NYAP2: variants seen among roughly 807,000 people sequenced by gnomAD.
NYAP2 encodes neuronal tyrosine-phosphorylated phosphoinositide-3-kinase adapter 2.
NYAP2 carries 23 observed loss-of-function variants against 50.4 expected under a neutral mutation model. The ratio of observed to expected loss-of-function variants is 0.46; its 90% confidence interval spans 0.33 to 0.65. NYAP2 has a LOEUF of 0.65. Ranked by LOEUF, NYAP2 falls within the 30% of genes least tolerant of loss-of-function variation. NYAP2 has a pLI of 0.02. For synonymous variants in NYAP2, 394 were observed against 365.2 expected (o/e 1.08, Z -0.90); for missense variants, 885 against 861.0 (o/e 1.03, Z -0.35).
the NYAP2 span, among the ~76,000 whole-genome samples, chr2:225,696,743 G>A: frequency 6.6e-6 from 1 of 152,030 alleles, no homozygotes; most frequent in South Asian, 2.1e-4. Flanking sequence ...GCAGCATAGT[G>A]TAGTTGTTAA....
intron 5 of NYAP2, among the ~76,000 whole-genome samples, chr2:225,603,918 C>T (rs17482489): frequency 0.1 from 15,948 of 152,052 alleles, 949 homozygotes; most frequent in South Asian, 0.13. Flanking sequence ...CCTCTGAGAC[C>T]TTCATTTTTT....
At chr2:225,659,657 A>G in the NYAP2 span, among the ~76,000 whole-genome samples, 2 of 152,212 alleles carry the variant, frequency 1.3e-5, no homozygotes, top group Non-Finnish European at 2.9e-5. Flanking sequence ...TATGAGACTT[A>G]CAGGAAGTAA....
intron 4 of NYAP2, among the ~76,000 whole-genome samples, chr2:225,524,531 G>C (rs948011998): frequency 6.6e-6 from 1 of 151,998 alleles, no homozygotes; most frequent in Admixed American, 6.6e-5. Flanking sequence ...CAGCCCAATC[G>C]AATTGACACT....
At chr2:225,657,718 G>T (rs545499916), downstream of NYAP2, among the ~76,000 whole-genome samples, 1 of 152,106 alleles carries the variant, frequency 6.6e-6, no homozygotes, top group South Asian at 2.1e-4. Context: ...GCATAGAGAT[G>T]ACTTGTTTTG....
At chr2:225,560,882 G>T (rs1691858077) in intron 4 of NYAP2, among the ~76,000 whole-genome samples, 1 of 148,698 alleles carries the variant, frequency 6.7e-6, no homozygotes, top group African/African-American at 2.5e-5. Flanking sequence ...TAAATTTGCT[G>T]TAGAAGTCAG....
intron 3 of NYAP2, among the ~76,000 whole-genome samples, chr2:225,502,617 A>G (rs1210285639): frequency 2.0e-5 from 3 of 152,226 alleles, no homozygotes; most frequent in Non-Finnish European, 4.4e-5. Context: ...TTCAATTTCT[A>G]TAGATCCCCA....
At chr2:225,516,167 A>G (rs1690930597) in intron 4 of NYAP2, among the ~76,000 whole-genome samples, 1 of 152,140 alleles carries the variant, frequency 6.6e-6, no homozygotes, top group Admixed American at 6.6e-5. Flanking sequence ...AGGGATTCCC[A>G]TTCATTTGGG....
the NYAP2 span, among the ~76,000 whole-genome samples, chr2:225,676,653 T>C: frequency 6.6e-6 from 1 of 152,086 alleles, no homozygotes; most frequent in South Asian, 2.1e-4. Context: ...CCATTCACTA[T>C]CACGAGAACA....
At chr2:225,529,042 C>G (rs969506815) in intron 4 of NYAP2, among the ~76,000 whole-genome samples, 2 of 152,184 alleles carry the variant, frequency 1.3e-5, no homozygotes, top group African/African-American at 4.8e-5. Context: ...AAAGATTGAT[C>G]TCTTCTTTGC....
At chr2:225,481,315 T>A (rs1690203544) in intron 3 of NYAP2, among the ~76,000 whole-genome samples, 1 of 152,098 alleles carries the variant, frequency 6.6e-6, no homozygotes, top group Non-Finnish European at 1.5e-5. Context: ...TAATAATAAT[T>A]ATTTATTTTC....
chr2:225,583,899 G>A (rs1392318355), intron 5 of NYAP2, among the ~76,000 whole-genome samples: 5 of 152,090 alleles, frequency 3.3e-5, no homozygotes, highest in Non-Finnish European at 7.4e-5. Flanking sequence ...AAAATTAGCC[G>A]GGTGTGGTGG....
intron 3 of NYAP2, among the ~76,000 whole-genome samples, chr2:225,460,992 CAAAAAAAAAA>C (rs869283101): frequency 2.3e-5 from 1 of 43,066 alleles, no homozygotes; most frequent in Non-Finnish European, 5.7e-5. Context: ...GACTCTGTCT[CAAAAAAAAAA>C]AAAAAAAAAA....
At chr2:225,456,166 C>T (rs958978332) in intron 3 of NYAP2, among the ~76,000 whole-genome samples, 6 of 152,216 alleles carry the variant, frequency 3.9e-5, no homozygotes, top group African/African-American at 1.4e-4. Flanking sequence ...TAGCAATGGG[C>T]TTAGCCTGCT....
chr2:225,492,064 G>C (rs1690417257), intron 3 of NYAP2, among the ~76,000 whole-genome samples: 1 of 152,186 alleles, frequency 6.6e-6, no homozygotes, highest in African/African-American at 2.4e-5. Context: ...ACCTGAACTT[G>C]AGTGCTTAAG....
intron 3 of NYAP2, among the ~76,000 whole-genome samples, chr2:225,453,010 C>T (rs1444118662): frequency 3.9e-5 from 6 of 152,132 alleles, no homozygotes; most frequent in Admixed American, 3.9e-4. Context: ...GCATGCCCAG[C>T]TGAGTGATGA....
chr2:225,598,534 T>A (rs2163414), intron 5 of NYAP2, among the ~76,000 whole-genome samples: 77,712 of 151,938 alleles, frequency 0.51, 20,449 homozygotes, highest in South Asian at 0.67. Flanking sequence ...TTAAAGTGAT[T>A]ATTTGAGATG....
At chr2:225,462,461 C>A (rs1377815745) in intron 3 of NYAP2, among the ~76,000 whole-genome samples, 1 of 152,088 alleles carries the variant, frequency 6.6e-6, no homozygotes, top group Admixed American at 6.6e-5. Context: ...TTATCCTGAC[C>A]AAATGCACCC....
At chr2:225,517,365 C>A (rs184606715) in intron 4 of NYAP2, among the ~76,000 whole-genome samples, 19 of 152,198 alleles carry the variant, frequency 1.2e-4, no homozygotes, top group Non-Finnish European at 2.2e-4. Flanking sequence ...TGTGATCCAG[C>A]AAAAGGAGGG....
At chr2:225,664,737 G>A in the NYAP2 span, among the ~76,000 whole-genome samples, 32 of 152,114 alleles carry the variant, frequency 2.1e-4, no homozygotes, top group South Asian at 2.5e-3. Flanking sequence ...TTAGCCGGGC[G>A]TGGTGGCGGG....
Sources: allele counts gnomAD v4.1 joint callset (sites outside exome capture counted in the v4.1 genomes callset), GRCh38; gene constraint gnomAD v4.1.1; transcripts MANE v1.5; gene names NCBI Gene and HGNC (gene_info 2026-07-23, HGNC 2026-07-21).